Variants in GPC6 observed in about 807,000 individuals in gnomAD.
GPC6 encodes glypican 6.
A neutral mutation model predicts 55.2 loss-of-function variants in GPC6; 14 were observed. That is an observed-to-expected ratio of 0.25 (90% CI 0.17 to 0.40). GPC6 has a LOEUF of 0.40. Among genes scored for constraint, GPC6 ranks in the 10% least tolerant of loss-of-function variants. The probability of loss-of-function intolerance (pLI) is 1.00; values close to 1 mark genes in which losing one functional copy is unlikely to be tolerated. For missense variants in GPC6, 641 were observed against 708.5 expected (o/e 0.90, Z 1.08); for synonymous variants, 278 against 259.6 (o/e 1.07, Z -0.68).
intron 4 of GPC6, among the ~76,000 whole-genome samples, chr13:94,232,635 A>C (rs1383895160): frequency 6.6e-6 from 1 of 152,158 alleles, no homozygotes; most frequent in Non-Finnish European, 1.5e-5. Flanking sequence ...CATATTTGGT[A>C]ATTAAAAACC....
intron 4 of GPC6, among the ~76,000 whole-genome samples, chr13:94,045,564 C>T (rs1279760233): frequency 6.6e-6 from 1 of 151,718 alleles, no homozygotes; most frequent in Non-Finnish European, 1.5e-5. Flanking sequence ...ATTATTTCTA[C>T]ATTGAGAAAA....
At chr13:94,276,753 TG>T (rs1892223093) in intron 4 of GPC6, among the ~76,000 whole-genome samples, 1 of 152,218 alleles carries the variant, frequency 6.6e-6, no homozygotes, top group Non-Finnish European at 1.5e-5. Context: ...TCCATGTCCC[TG>T]GAAAGGACAT....
At chr13:94,138,877 T>C (rs1887274204) in intron 4 of GPC6, among the ~76,000 whole-genome samples, 1 of 152,040 alleles carries the variant, frequency 6.6e-6, no homozygotes, top group Non-Finnish European at 1.5e-5. Context: ...ATGAAAGACA[T>C]GTTCCTCATT....
chr13:93,960,475 G>A (rs376028946), intron 3 of GPC6, among the ~76,000 whole-genome samples: 1 of 152,158 alleles, frequency 6.6e-6, no homozygotes, highest in South Asian at 2.1e-4. Context: ...CTGCTAAAAT[G>A]TTCATAGGAT....
intron 3 of GPC6, among the ~76,000 whole-genome samples, chr13:93,930,193 G>A (rs1399019206): frequency 6.6e-6 from 1 of 151,124 alleles, no homozygotes; most frequent in Admixed American, 6.6e-5. Flanking sequence ...TATAGCCACT[G>A]TTAACAGGTA....
intron 1 of GPC6, among the ~76,000 whole-genome samples, chr13:93,523,540 A>G (rs1467047841): frequency 6.7e-6 from 1 of 148,616 alleles, no homozygotes; most frequent in Non-Finnish European, 1.5e-5. Flanking sequence ...ATGTCATTGT[A>G]TACCAACTAT....
At chr13:93,946,041 C>CTTAA (rs1878993716) in intron 3 of GPC6, among the ~76,000 whole-genome samples, 1 of 152,096 alleles carries the variant, frequency 6.6e-6, no homozygotes, top group Admixed American at 6.6e-5. Flanking sequence ...CCATCATTTT[C>CTTAA]TTAAGTCTAT....
At chr13:93,820,393 G>C (rs1428509329) in intron 2 of GPC6, among the ~76,000 whole-genome samples, 1 of 151,818 alleles carries the variant, frequency 6.6e-6, no homozygotes, top group African/African-American at 2.4e-5. Flanking sequence ...CACATTGAGA[G>C]TAATATAATA....
intron 1 of GPC6, among the ~76,000 whole-genome samples, chr13:93,532,257 A>T (rs1002671873): frequency 6.6e-6 from 1 of 152,154 alleles, no homozygotes; most frequent in African/African-American, 2.4e-5. Context: ...ATTTTCTCTC[A>T]AGATCTTTCT....
At chr13:93,328,366 G>A (rs1332660369) in intron 1 of GPC6, among the ~76,000 whole-genome samples, 1 of 152,052 alleles carries the variant, frequency 6.6e-6, no homozygotes, top group African/African-American at 2.4e-5. Context: ...TTGTCTTAAT[G>A]TTTTTGCTCA....
intron 1 of GPC6, among the ~76,000 whole-genome samples, chr13:93,354,242 G>A (rs1177988860): frequency 6.6e-6 from 1 of 152,066 alleles, no homozygotes; most frequent in African/African-American, 2.4e-5. Flanking sequence ...GTACTGATCG[G>A]TGGCTGAGTT....
intron 2 of GPC6, among the ~76,000 whole-genome samples, chr13:93,776,960 C>G (rs1007946212): frequency 1.3e-5 from 2 of 152,114 alleles, no homozygotes; most frequent in Admixed American, 6.5e-5. Context: ...GCACCCTTGC[C>G]CATCGACCAA....
chr13:94,346,398 T>C lies in GPC6; in HGVS notation c.1153-36016T>C, dbSNP rs148342142. ...ATCTTGCTTCATGATGTTCCACTCA[T>C]GTGGATGGATGTTCTGAAGTTTCAC... On this transcript the variant is annotated intron_variant, in intron 6 of 8. Coordinates refer to ENST00000377047, the MANE Select transcript of GPC6 (RefSeq NM_005708.5). Among the ~76,000 whole-genome samples the C allele has an allele frequency of 5.0e-4, 76 of 152,302 alleles. 1 individual carries two copies. The highest frequency in any genetic ancestry group is 1.8e-3 in the African/African-American group (73 of 41,558).
At chr13:93,863,551 A>G (rs1594535662) in intron 3 of GPC6, among the ~76,000 whole-genome samples, 1 of 151,690 alleles carries the variant, frequency 6.6e-6, no homozygotes, top group East Asian at 2.0e-4. Context: ...TTATCTGTTA[A>G]TGAAAACAGT....
chr13:93,365,068 C>T (rs544938007), intron 1 of GPC6, among the ~76,000 whole-genome samples: 1 of 152,162 alleles, frequency 6.6e-6, no homozygotes, highest in South Asian at 2.1e-4. Context: ...ACATCACCCC[C>T]ATGTCAATGA....
intron 2 of GPC6, among the ~76,000 whole-genome samples, chr13:93,703,551 A>G (rs2138797934): frequency 6.6e-6 from 1 of 152,150 alleles, no homozygotes; most frequent in Middle Eastern, 3.4e-3. Context: ...GCAAAGCACA[A>G]TAAAACAAGG....
intron 3 of GPC6, among the ~76,000 whole-genome samples, chr13:93,856,940 A>G (rs1888637715): frequency 6.6e-6 from 1 of 151,650 alleles, no homozygotes; most frequent in Admixed American, 6.6e-5. Flanking sequence ...GAAAAATAGC[A>G]GTAACTACCT....
chr13:93,982,126 T>A (rs964304657), intron 3 of GPC6, among the ~76,000 whole-genome samples: 3 of 152,186 alleles, frequency 2.0e-5, no homozygotes, highest in Non-Finnish European at 4.4e-5. Context: ...TTTGTGATCA[T>A]TTTTAACTTT....
At chr13:93,507,664 G>T (rs1181702774) in intron 1 of GPC6, among the ~76,000 whole-genome samples, 1 of 151,854 alleles carries the variant, frequency 6.6e-6, no homozygotes, top group Non-Finnish European at 1.5e-5. Flanking sequence ...CGCCAATATC[G>T]ACATGAGTGA....
Sources: allele counts gnomAD v4.1 joint callset (sites outside exome capture counted in the v4.1 genomes callset), GRCh38; gene constraint gnomAD v4.1.1; transcripts MANE v1.5; gene names NCBI Gene and HGNC (gene_info 2026-07-23, HGNC 2026-07-21).